Variants in IMMP2L observed in about 807,000 individuals in gnomAD.
The protein encoded by IMMP2L is inner mitochondrial membrane peptidase subunit 2.
Under a neutral mutation model 19.3 loss-of-function variants are expected in IMMP2L, and 18 were observed. The observed-to-expected ratio is 0.93, with a 90% CI of 0.64 to 1.38. The LOEUF (loss-of-function observed/expected upper bound fraction) is 1.38, where lower values mean the gene tolerates loss of function less well. Among genes scored for constraint, IMMP2L ranks in the 40% most tolerant of loss-of-function variants. The pLI is 0.00. For missense variants in IMMP2L, 233 were observed against 218.2 expected (o/e 1.07, Z -0.43); for synonymous variants, 76 against 73.0 (o/e 1.04, Z -0.21).
chr7:111,545,556 T>C lies in IMMP2L; in HGVS notation c.-3+16295A>G, dbSNP rs142323335. 2.7e-3 allele frequency among the ~76,000 whole-genome samples: 404 copies of C among 152,202 alleles called. 17 individuals are homozygous for C. The East Asian group carries it at 0.059, about 22-fold the overall frequency. On this transcript the variant is annotated intron_variant, in intron 1 of 5. Transcript: ENST00000405709. ...CAGGCCACCATTCCCAGCTAACTTT[T>C]TGTATTTTTAGTAGAGACGGGGTTT...
chr7:111,317,070 G>A (rs1296267373), intron 3 of IMMP2L, among the ~76,000 whole-genome samples: 1 of 151,750 alleles, frequency 6.6e-6, no homozygotes, highest in Non-Finnish European at 1.5e-5. Context: ...GAATGGTCTC[G>A]ATCTCCTGAC....
rs1408386338 is a variant in IMMP2L, at chr7:111,520,307, C to CT, written c.135+1005dup. 3.9e-5 allele frequency among the ~76,000 whole-genome samples: 6 copies of CT among 152,124 alleles called. No individual in the cohort carries two copies. In the East Asian group the frequency reaches 1.2e-3, roughly 29 times the overall value. ...AGAATCTTCTGCCCAAGAAAAGGCC[C>CT]TAACCATGCTCAAATGATGGAAGTA... On this transcript the variant is annotated intron_variant, in intron 2 of 5. Coordinates refer to ENST00000405709, the MANE Select transcript of IMMP2L (RefSeq NM_032549.4).
At chr7:111,333,288 C>T (rs1438338524) in intron 3 of IMMP2L, among the ~76,000 whole-genome samples, 1 of 152,038 alleles carries the variant, frequency 6.6e-6, no homozygotes, top group Non-Finnish European at 1.5e-5. Flanking sequence ...AAGAAAATAT[C>T]TTCATTTTAT....
intron 5 of IMMP2L, among the ~76,000 whole-genome samples, chr7:110,735,310 GCAAC>G (rs1407230778): frequency 6.6e-6 from 1 of 152,098 alleles, no homozygotes; most frequent in African/African-American, 2.4e-5. Flanking sequence ...CTGTGAATCA[GCAAC>G]CATTTTTCCA....
intron 4 of IMMP2L, among the ~76,000 whole-genome samples, chr7:110,908,778 A>G (rs566579960): frequency 3.9e-5 from 6 of 152,260 alleles, no homozygotes; most frequent in Non-Finnish European, 7.3e-5. Flanking sequence ...TCTATGAAGT[A>G]AATAACTGGA....
chr7:110,925,975 T>A (rs552263618), intron 4 of IMMP2L, among the ~76,000 whole-genome samples: 14 of 152,164 alleles, frequency 9.2e-5, no homozygotes, highest in East Asian at 3.9e-4. Flanking sequence ...CCAAGTTTTT[T>A]AAAAATATAT....
chr7:111,402,867 C>T (rs1001473990), intron 3 of IMMP2L, among the ~76,000 whole-genome samples: 20 of 150,918 alleles, frequency 1.3e-4, no homozygotes, highest in Admixed American at 4.6e-4. Flanking sequence ...TCATAGTCCA[C>T]GAACACATTA....
chr7:111,166,578 C>T (rs1805842403), intron 3 of IMMP2L, among the ~76,000 whole-genome samples: 1 of 152,018 alleles, frequency 6.6e-6, no homozygotes, highest in Non-Finnish European at 1.5e-5. Flanking sequence ...GTGCCCCACA[C>T]ATACTGTATT....
chr7:110,870,833 T>C lies in IMMP2L; in HGVS notation c.408+15760A>G, dbSNP rs1020490965. On this transcript the variant is annotated intron_variant, in intron 5 of 5. Transcript: ENST00000405709. The surrounding 1 kb of genome is among the most constrained non-coding windows in gnomAD (Gnocchi z 4.2). ...GGAATCAGAGAAAACTTAACGCTTT[T>C]AATTCTAATAGCAACAGGAAGCCAC... is the stretch of plus-strand genomic sequence containing the variant. 6.6e-6 allele frequency among the ~76,000 whole-genome samples: 1 copy of C among 152,162 alleles called. No homozygotes were observed. The highest frequency in any genetic ancestry group is 1.5e-5 in the Non-Finnish European group (1 of 68,018).
intron 1 of IMMP2L, among the ~76,000 whole-genome samples, chr7:111,529,770 C>T (rs1847219699): frequency 6.6e-6 from 1 of 152,072 alleles, no homozygotes; most frequent in East Asian, 1.9e-4. Context: ...TGTTGGTAAA[C>T]TGATAAGCAT....
intron 1 of IMMP2L, among the ~76,000 whole-genome samples, chr7:111,529,175 T>C (rs1847160940): frequency 6.6e-6 from 1 of 152,208 alleles, no homozygotes; most frequent in African/African-American, 2.4e-5. Context: ...AACAAGTATA[T>C]GACCATAAAT....
At chr7:110,927,169 C>G (rs1045332510) in intron 4 of IMMP2L, among the ~76,000 whole-genome samples, 1 of 152,044 alleles carries the variant, frequency 6.6e-6, no homozygotes, top group Non-Finnish European at 1.5e-5. Context: ...TTTCTTCCTT[C>G]CCCCTCTCTC....
intron 3 of IMMP2L, among the ~76,000 whole-genome samples, chr7:111,098,763 A>C (rs1313203046): frequency 6.6e-6 from 1 of 151,772 alleles, no homozygotes; most frequent in Non-Finnish European, 1.5e-5. Context: ...GTAACTTGCC[A>C]TAACTAATGA....
intron 3 of IMMP2L, among the ~76,000 whole-genome samples, chr7:111,378,775 T>C (rs1733113423): frequency 6.6e-6 from 1 of 151,924 alleles, no homozygotes; most frequent in African/African-American, 2.4e-5. Flanking sequence ...CTTGAGATCT[T>C]CTTGTTACAT....
chr7:111,472,032 T>C (rs1229198048), intron 3 of IMMP2L, among the ~76,000 whole-genome samples: 1 of 152,160 alleles, frequency 6.6e-6, no homozygotes, highest in Admixed American at 6.6e-5. Context: ...TACGATCTTA[T>C]TCTGTACCAC....
At chr7:111,145,917 G>A (rs1738482358) in intron 3 of IMMP2L, among the ~76,000 whole-genome samples, 1 of 152,128 alleles carries the variant, frequency 6.6e-6, no homozygotes, top group African/African-American at 2.4e-5. Flanking sequence ...CTCTGGATAT[G>A]TTGGCTCCAT....
chr7:111,029,180 T>A (rs1440821351), intron 3 of IMMP2L, among the ~76,000 whole-genome samples: 1 of 152,170 alleles, frequency 6.6e-6, no homozygotes, highest in African/African-American at 2.4e-5. Flanking sequence ...ATTGATCCAA[T>A]TTCCATAAAC....
intron 3 of IMMP2L, among the ~76,000 whole-genome samples, chr7:111,233,411 G>T (rs763100272): frequency 3.7e-4 from 56 of 151,828 alleles, no homozygotes; most frequent in Non-Finnish European, 6.8e-4. Flanking sequence ...ACATTTAAAA[G>T]GAAATCAGAA....
At chr7:110,914,052 A>G (rs983237476) in intron 4 of IMMP2L, among the ~76,000 whole-genome samples, 11 of 152,168 alleles carry the variant, frequency 7.2e-5, no homozygotes, top group Non-Finnish European at 2.9e-5. Context: ...AAATGTCTTG[A>G]GCACTCAAAA....
Sources: allele counts gnomAD v4.1 joint callset (sites outside exome capture counted in the v4.1 genomes callset), GRCh38; gene constraint gnomAD v4.1.1; non-coding constraint Gnocchi (gnomAD v3.1); transcripts MANE v1.5; gene names NCBI Gene and HGNC (gene_info 2026-07-23, HGNC 2026-07-21).